Variants in AOPEP observed in about 807,000 individuals in gnomAD.
AOPEP encodes the protein aminopeptidase O.
In AOPEP, 77 loss-of-function variants were observed where a neutral mutation model predicts 98.1. The ratio of observed to expected loss-of-function variants is 0.78; its 90% CI spans 0.65 to 0.95. The LOEUF is 0.95. AOPEP is among the 40% of genes least tolerant of loss of function. The pLI, the probability that AOPEP is intolerant of heterozygous loss-of-function variation, is 0.00. For missense variants in AOPEP, 1,024 were observed against 1,024.7 expected (o/e 1.00, Z 0.01); for synonymous variants, 346 against 365.3 (o/e 0.95, Z 0.60).
At chr9:95,083,439 C>T (rs899480153) in intron 16 of AOPEP, among the ~76,000 whole-genome samples, 7 of 149,096 alleles carry the variant, frequency 4.7e-5, no homozygotes, top group African/African-American at 7.4e-5. Context: ...ATGCAGCATA[C>T]ACACCAAACA....
At chr9:94,798,744 CTG>C (rs371428192) in intron 4 of AOPEP, among the ~76,000 whole-genome samples, 249 of 152,242 alleles carry the variant, frequency 1.6e-3, no homozygotes, top group African/African-American at 5.8e-3. Flanking sequence ...CATTATATAC[CTG>C]TGTAAATACA....
intron 15 of AOPEP, chr9:95,081,010 C>T (rs1232366854): frequency 1.5e-5 from 8 of 535,984 alleles, no homozygotes; most frequent in Non-Finnish European, 3.3e-6. Flanking sequence ...TTGTGGCCCA[C>T]ACGTCATCCG....
At chr9:95,053,189 G>A (rs1390728574) in intron 13 of AOPEP, among the ~76,000 whole-genome samples, 1 of 152,162 alleles carries the variant, frequency 6.6e-6, no homozygotes, top group Non-Finnish European at 1.5e-5. Flanking sequence ...CTTGTAGCAT[G>A]ATTTAAGAAA....
At chr9:95,089,361 C>G (rs141034782), downstream of AOPEP, among the ~76,000 whole-genome samples, 1 of 152,242 alleles carries the variant, frequency 6.6e-6, no homozygotes, top group Admixed American at 6.5e-5. Flanking sequence ...ATAGCACCTT[C>G]GGAGAGCAGG....
chr9:94,918,891 T>C (rs984701735), intron 5 of AOPEP, among the ~76,000 whole-genome samples: 1 of 151,248 alleles, frequency 6.6e-6, no homozygotes, highest in African/African-American at 2.4e-5. Flanking sequence ...GTGGATGTTT[T>C]ACTATTTTTT....
chr9:94,768,007 C>T (rs555419436), intron 2 of AOPEP, among the ~76,000 whole-genome samples: 4 of 152,184 alleles, frequency 2.6e-5, no homozygotes, highest in African/African-American at 9.6e-5. Flanking sequence ...GAGGGTTGCT[C>T]ACGTATAATG....
intron 1 of AOPEP, among the ~76,000 whole-genome samples, chr9:94,752,527 C>T (rs1836057638): frequency 6.6e-6 from 1 of 152,056 alleles, no homozygotes; most frequent in African/African-American, 2.4e-5. Flanking sequence ...AAATAACTAT[C>T]AACAAAAGTT....
Position 94,924,084 on chromosome 9 carries a change from T to C in AOPEP, c.1463T>C (p.Leu488Pro), listed in dbSNP as rs1423831491. 1.3e-6 allele frequency: 2 copies of C among 1,522,108 alleles called. No homozygotes were observed. Among genetic ancestry groups the C allele is most frequent in the East Asian group, 2.6e-5 (1 of 38,542 alleles). The allele number at this position is 1,522,108 out of a possible 1,614,324, so 94.3% of individuals were successfully genotyped here. A position where few individuals can be genotyped will look rare whatever the true frequency, so the allele number is the denominator to read the frequency against. The part of the protein sequence containing the change: ...CHEIAHAWFG[L>P]AIGARDWTEE... ...GAAATTGCCCATGCCTGGTTTGGCCTAGCCATCGGGGCCCGAGACTGGACG... is the reference window on the plus strand; with the variant it reads ...GAAATTGCCCATGCCTGGTTTGGCCCAGCCATCGGGGCCCGAGACTGGACG... The change falls in exon 6 of 17, where the codon CTA (leucine) becomes CCA (proline). Residue 488 changes from leucine to proline, a missense_variant. Leu to Pro is a moderately conservative substitution (Grantham distance 98). Around this residue, in one of 3 missense-constraint regions of AOPEP, gnomAD observed 566 missense variants for 551.7 expected, o/e 1.03. Transcript: ENST00000375315.
At position 95,041,049 on chromosome 9, in the gene AOPEP, C is replaced by CAA. The variant is rs34241267; in HGVS notation, c.2116-19633_2116-19632dup. Among the ~76,000 whole-genome samples, 597 of 144,078 alleles carry CAA rather than the reference C, an allele frequency of 4.1e-3. 5 individuals are homozygous for CAA. Among genetic ancestry groups the CAA allele is most frequent in the East Asian group, 7.3e-3 (36 of 4,944 alleles). 94.5% of individuals were successfully genotyped at this position (144,078 alleles called of 152,430 possible). ...ATGACAGAGTTAAGTCTCCACACTC[C>CAA]AAAAAAAAAAAAAGCAAGTAATGGC... On this transcript the variant is annotated intron_variant, in intron 13 of 16. Transcript: ENST00000375315.
intron 1 of AOPEP, among the ~76,000 whole-genome samples, chr9:94,738,825 C>T (rs1352005190): frequency 6.6e-6 from 1 of 152,200 alleles, no homozygotes; most frequent in African/African-American, 2.4e-5. Flanking sequence ...CCGCCCGCCT[C>T]AGCCTCCCAA....
Position 94,928,319 on chromosome 9 carries a change from G to C in AOPEP, c.1555-106G>C, listed in dbSNP as rs975702881. 67 of 778,700 alleles carry C rather than the reference G, an allele frequency of 8.6e-5. No individual in the cohort carries two copies. In the Middle Eastern group the frequency reaches 1.1e-3, roughly 13 times the overall value. 48.2% of individuals were successfully genotyped at this position (778,700 alleles called of 1,614,324 possible). On this transcript the variant is annotated intron_variant, in intron 6 of 16. Coordinates refer to ENST00000375315, the MANE Select transcript of AOPEP (RefSeq NM_001193329.3). ...TCTGATGGAAGCAAGGTGAGAGCAG[G>C]GGCAGGCTATCTTGTCCCCCATTGA...
At chr9:95,094,706 G>A in the AOPEP span, among the ~76,000 whole-genome samples, 3 of 152,186 alleles carry the variant, frequency 2.0e-5, no homozygotes, top group Admixed American at 6.5e-5. Context: ...TCACTCTGCT[G>A]CCCAAGTGGA....
At chr9:94,976,204 C>T (rs2059827826) in intron 10 of AOPEP, among the ~76,000 whole-genome samples, 1 of 152,194 alleles carries the variant, frequency 6.6e-6, no homozygotes, top group African/African-American at 2.4e-5. Context: ...TTCCACAGAA[C>T]CTTTGCCCAG....
At chr9:94,878,938 C>T (rs1015370791) in intron 5 of AOPEP, among the ~76,000 whole-genome samples, 3 of 152,164 alleles carry the variant, frequency 2.0e-5, no homozygotes, top group African/African-American at 7.2e-5. Flanking sequence ...TTACTCAAAT[C>T]AGTTTCCTCA....
chr9:94,894,100 A>G (rs1278362092), intron 5 of AOPEP, among the ~76,000 whole-genome samples: 1 of 152,220 alleles, frequency 6.6e-6, no homozygotes, highest in African/African-American at 2.4e-5. Context: ...AGCTCAATCT[A>G]TGGAATGCCA....
intron 13 of AOPEP, among the ~76,000 whole-genome samples, chr9:95,037,980 G>A (rs755682800): frequency 4.6e-5 from 7 of 152,086 alleles, no homozygotes; most frequent in Non-Finnish European, 8.8e-5. Flanking sequence ...GATGAAAGGT[G>A]CTCGGTGTGG....
At chr9:95,118,898 T>C in the AOPEP span, among the ~76,000 whole-genome samples, 2 of 152,224 alleles carry the variant, frequency 1.3e-5, no homozygotes, top group African/African-American at 2.4e-5. Context: ...TGTCTTTTCA[T>C]GGACATGTGT....
At chr9:95,042,812 A>C (rs4743979) in intron 13 of AOPEP, among the ~76,000 whole-genome samples, 119,386 of 152,160 alleles carry the variant, frequency 0.78, 48,352 homozygotes, top group Non-Finnish European at 0.89. Flanking sequence ...AGGGTAATCT[A>C]ATAGTTGATT....
intron 13 of AOPEP, among the ~76,000 whole-genome samples, chr9:95,028,077 G>T (rs2063987370): frequency 6.6e-6 from 1 of 152,188 alleles, no homozygotes; most frequent in African/African-American, 2.4e-5. Flanking sequence ...CATGCAGTCT[G>T]TCAAGAGGAA....
Sources: allele counts gnomAD v4.1 joint callset (sites outside exome capture counted in the v4.1 genomes callset), GRCh38; gene constraint gnomAD v4.1.1; regional missense constraint gnomAD v4.1.1; transcripts MANE v1.5; gene names NCBI Gene and HGNC (gene_info 2026-07-23, HGNC 2026-07-21).